ZNF503: variants seen among roughly 807,000 people sequenced by gnomAD.
ZNF503 encodes the protein NocA-like zinc finger 2.
A neutral mutation model predicts 34.4 loss-of-function variants in ZNF503; 15 were observed. That is an observed-to-expected ratio of 0.44 (90% CI 0.29 to 0.67). The LOEUF (loss-of-function observed/expected upper bound fraction) is 0.67, where lower values mean the gene tolerates loss of function less well. Ranked by LOEUF, ZNF503 falls within the 30% of genes least tolerant of loss-of-function variation. The pLI is 0.13. For synonymous variants in ZNF503, 580 were observed against 456.8 expected (o/e 1.27, Z -3.44); for missense variants, 1,007 against 926.8 (o/e 1.09, Z -1.12).
chr10:75,368,328 C>T, the ZNF503 span, among the ~76,000 whole-genome samples: 2 of 151,674 alleles, frequency 1.3e-5, no homozygotes, highest in African/African-American at 2.4e-5. Context: ...TCAAGGGTAC[C>T]AATAAGAATA....
chr10:75,291,381 G>A, the ZNF503 span, among the ~76,000 whole-genome samples: 2 of 152,178 alleles, frequency 1.3e-5, no homozygotes, highest in African/African-American at 2.4e-5. Context: ...GGAGGCTGAG[G>A]CAGGAGCATC....
At chr10:75,313,893 T>C in the ZNF503 span, among the ~76,000 whole-genome samples, 2 of 152,074 alleles carry the variant, frequency 1.3e-5, no homozygotes, top group African/African-American at 4.8e-5. Flanking sequence ...ATCTTAAGAA[T>C]TTTGCCACTC....
rs923803746 is a variant in ZNF503 at position 75,401,375 on chromosome 10, G to A, written c.45C>T (p.His15=). The A allele has an allele frequency of 4.1e-5, 63 of 1,539,476 alleles. No homozygotes were observed. Among genetic ancestry groups the A allele is most frequent in the Non-Finnish European group, 5.1e-5 (58 of 1,146,432 alleles). The change falls in exon 1 of 2, where the codon CAC becomes CAT. Residue 15 remains histidine (H), a synonymous_variant. Coordinates refer to ENST00000372524, the MANE Select transcript of ZNF503 (RefSeq NM_032772.6). ...PSLSALRSSK[H]SGGGGGGGGG... ...CGCCTCCGCCGCCGCCGCCGCCGCT[G>A]TGCTTACTGCTTCTTAGGGCAGAAA...
the ZNF503 span, among the ~76,000 whole-genome samples, chr10:75,354,888 C>G: frequency 6.6e-6 from 1 of 152,164 alleles, no homozygotes; most frequent in Non-Finnish European, 1.5e-5. Flanking sequence ...CTCTATCGCC[C>G]AGGCTGGAGT....
At chr10:75,307,530 C>T in the ZNF503 span, among the ~76,000 whole-genome samples, 1 of 152,182 alleles carries the variant, frequency 6.6e-6, no homozygotes, top group South Asian at 2.1e-4. Flanking sequence ...GAAATTGCAG[C>T]AAGTTATTCA....
At chr10:75,290,051 A>G in the ZNF503 span, among the ~76,000 whole-genome samples, 1 of 152,046 alleles carries the variant, frequency 6.6e-6, no homozygotes, top group Non-Finnish European at 1.5e-5. Flanking sequence ...TTTTGTCTCT[A>G]TGAATTTGAC....
chr10:75,393,566 A>G (rs954784141), downstream of ZNF503, among the ~76,000 whole-genome samples: 2 of 152,196 alleles, frequency 1.3e-5, no homozygotes, highest in African/African-American at 4.8e-5. Flanking sequence ...AAAAATCTCC[A>G]TTAATAAATA....
the ZNF503 span, among the ~76,000 whole-genome samples, chr10:75,324,388 G>T: frequency 1.3e-5 from 2 of 151,474 alleles, no homozygotes; most frequent in Non-Finnish European, 2.9e-5. Flanking sequence ...GAATGCAAAA[G>T]TGTGGTCATT....
At position 75,399,803 on chromosome 10, in the gene ZNF503, T is replaced by C; in HGVS notation, c.887A>G (p.Gln296Arg). ...GCCTCCCGGGCCCCCATCCGGATGC[T>C]GGTTCACATCCACATTAATCCCGCC... Reference protein sequence around the residue: ...CGGGINVDVNQHPDGGPGGKA... With the variant: ...CGGGINVDVNRHPDGGPGGKA... The change falls in exon 2 of 2, where the codon CAG becomes CGG. Residue 296 changes from glutamine to arginine, a missense_variant. By Grantham distance (43) the Gln-to-Arg change is conservative. Coordinates refer to ENST00000372524, the MANE Select transcript of ZNF503 (RefSeq NM_032772.6). 6.2e-7 allele frequency: 1 copy of C among 1,601,946 alleles called. No individual in the cohort carries two copies. Among genetic ancestry groups the C allele is most frequent in the Non-Finnish European group, 8.5e-7 (1 of 1,176,566 alleles).
chr10:75,313,282 C>T, the ZNF503 span, among the ~76,000 whole-genome samples: 1 of 152,246 alleles, frequency 6.6e-6, no homozygotes, highest in South Asian at 2.1e-4. Context: ...TGGACACGTT[C>T]CAACACACCA....
At chr10:75,294,304 G>T in the ZNF503 span, among the ~76,000 whole-genome samples, 1 of 152,122 alleles carries the variant, frequency 6.6e-6, no homozygotes, top group African/African-American at 2.4e-5. Flanking sequence ...TGAGGCCAGG[G>T]CTGGCACAAA....
the ZNF503 span, among the ~76,000 whole-genome samples, chr10:75,345,972 A>G: frequency 6.6e-6 from 1 of 152,212 alleles, no homozygotes; most frequent in Non-Finnish European, 1.5e-5. Flanking sequence ...AGGGGGTCAA[A>G]CTGTGCGGAA....
chr10:75,401,050 C>T (rs540827936), intron 1 of ZNF503, 55 bp downstream of exon 1: 224 of 1,610,700 alleles, frequency 1.4e-4, no homozygotes, highest in Non-Finnish European at 1.1e-4. Context: ...AAAGAAAGCC[C>T]TAGGGTGGCA....
chr10:75,283,550 C>A, the ZNF503 span, among the ~76,000 whole-genome samples: 2 of 152,122 alleles, frequency 1.3e-5, no homozygotes, highest in African/African-American at 2.4e-5. Flanking sequence ...GAACTGTCGT[C>A]CCCTGTATGT....
chr10:75,357,871 G>C, the ZNF503 span, among the ~76,000 whole-genome samples: 1 of 152,110 alleles, frequency 6.6e-6, no homozygotes, highest in Non-Finnish European at 1.5e-5. Context: ...CTGGGTGTTG[G>C]GTCTCTCTTG....
chr10:75,385,286 G>A, the ZNF503 span, among the ~76,000 whole-genome samples: 11 of 152,216 alleles, frequency 7.2e-5, no homozygotes. Flanking sequence ...CTTGGGATGG[G>A]CAAAGTGATA....
the ZNF503 span, among the ~76,000 whole-genome samples, chr10:75,303,598 G>A: frequency 6.6e-6 from 1 of 152,210 alleles, no homozygotes; most frequent in Non-Finnish European, 1.5e-5. Flanking sequence ...GTGTCTGTCT[G>A]GAGTGAGTAG....
chr10:75,383,541 G>A, the ZNF503 span, among the ~76,000 whole-genome samples: 6 of 152,096 alleles, frequency 3.9e-5, no homozygotes, highest in African/African-American at 9.7e-5. Flanking sequence ...TCTGTGGGCC[G>A]CCCAGTCATA....
chr10:75,291,317 G>C, the ZNF503 span, among the ~76,000 whole-genome samples: 2 of 152,062 alleles, frequency 1.3e-5, no homozygotes, highest in African/African-American at 4.8e-5. Flanking sequence ...ATTTTTTAAA[G>C]AAGCCACATC....
Sources: allele counts gnomAD v4.1 joint callset (sites outside exome capture counted in the v4.1 genomes callset), GRCh38; gene constraint gnomAD v4.1.1; transcripts MANE v1.5; gene names NCBI Gene and HGNC (gene_info 2026-07-23, HGNC 2026-07-21).